EIF3H: variants seen among roughly 807,000 people sequenced by gnomAD.
EIF3H encodes the protein eIF-3-gamma.
In EIF3H, 26 loss-of-function variants were observed where a neutral mutation model predicts 44.2. The ratio of observed to expected loss-of-function variants is 0.59; its 90% CI spans 0.43 to 0.82. The LOEUF is 0.82. EIF3H is among the 40% of genes least tolerant of loss of function. The pLI is 0.00. For synonymous variants in EIF3H, 166 were observed against 151.9 expected (o/e 1.09, Z -0.68); for missense variants, 359 against 432.8 (o/e 0.83, Z 1.51).
In EIF3H at chr8:116,646,455, C is replaced by T. The variant is rs550334926; in HGVS notation, c.961+16G>A. 6.2e-7 allele frequency: 1 copy of T among 1,614,068 alleles called. No homozygotes were observed. The highest frequency in any genetic ancestry group is 1.3e-5 in the African/African-American group (1 of 75,020). On this transcript the variant is annotated intron_variant, in intron 7 of 7. Transcript: ENST00000521861. ...AACGAACAAAACCAGCCAGGTTTTG[C>T]ACTGGGCAACAATACCTGCAATGAG... is the stretch of plus-strand genomic sequence containing the variant.
chr8:116,674,295 CA>C (rs368394590), intron 2 of EIF3H, among the ~76,000 whole-genome samples: 5 of 96,564 alleles, frequency 5.2e-5, no homozygotes, highest in Non-Finnish European at 9.6e-5. Flanking sequence ...AGTTCAGGTG[CA>C]AAAAAAGAGG....
rs559499885 is a variant in EIF3H, at chr8:116,755,429, C to G, written c.132+237G>C. On this transcript the variant is annotated intron_variant, in intron 1 of 7. Coordinates refer to ENST00000521861, the MANE Select transcript of EIF3H (RefSeq NM_003756.3). ...TCAAAACAAGACCCCAGGAACCTGT[C>G]ACTCACACCCCTATTCTCAGTCCCC... 2.2e-4 allele frequency among the ~76,000 whole-genome samples: 34 copies of G among 152,282 alleles called. 1 individual carries two copies. The highest frequency in any genetic ancestry group is 4.4e-5 in the Non-Finnish European group (3 of 68,014).
chr8:116,715,505 T>A (rs1814647387), intron 2 of EIF3H, among the ~76,000 whole-genome samples: 1 of 152,098 alleles, frequency 6.6e-6, no homozygotes, highest in Non-Finnish European at 1.5e-5. Flanking sequence ...TCATGCTTCG[T>A]TTTGAAATCA....
At chr8:116,683,428 G>A (rs1191933544) in intron 2 of EIF3H, among the ~76,000 whole-genome samples, 3 of 152,102 alleles carry the variant, frequency 2.0e-5, no homozygotes, top group African/African-American at 7.2e-5. Context: ...ACGCTCTCTT[G>A]TGCCTCTTCT....
intron 2 of EIF3H, among the ~76,000 whole-genome samples, chr8:116,663,659 C>T (rs1453371199): frequency 6.6e-6 from 1 of 152,006 alleles, no homozygotes; most frequent in African/African-American, 2.4e-5. Context: ...AGCTGCACGC[C>T]GTGGCTCTCG....
intron 2 of EIF3H, among the ~76,000 whole-genome samples, chr8:116,721,904 G>A (rs74917048): frequency 0.012 from 1,791 of 152,304 alleles, 37 homozygotes; most frequent in African/African-American, 0.04. Flanking sequence ...ACAGGTAGAA[G>A]GAACTTGCCT....
chr8:116,646,828 ATAAC>A (rs1329041500), intron 6 of EIF3H, among the ~76,000 whole-genome samples: 4 of 152,184 alleles, frequency 2.6e-5, no homozygotes, highest in Non-Finnish European at 1.5e-5. Flanking sequence ...CTAAGAGTCT[ATAAC>A]TAATGATTCA....
intron 2 of EIF3H, among the ~76,000 whole-genome samples, chr8:116,711,312 A>G (rs1473333502): frequency 6.6e-6 from 1 of 152,254 alleles, no homozygotes; most frequent in African/African-American, 2.4e-5. Flanking sequence ...CAGAGAAAAT[A>G]GCTCATACCC....
At chr8:116,669,453 A>C (rs1356144503) in intron 2 of EIF3H, among the ~76,000 whole-genome samples, 1 of 152,224 alleles carries the variant, frequency 6.6e-6, no homozygotes, top group Non-Finnish European at 1.5e-5. Context: ...GATGGGAAAG[A>C]GGAGTGAGCA....
At chr8:116,659,592 G>A (rs1813551242) in intron 2 of EIF3H, among the ~76,000 whole-genome samples, 1 of 152,084 alleles carries the variant, frequency 6.6e-6, no homozygotes. Flanking sequence ...TTGTCTGTGT[G>A]TTCCTTTAAG....
At chr8:116,658,208 G>A (rs1813524596) in intron 3 of EIF3H, 1 of 152,154 alleles carries the variant, frequency 6.6e-6, no homozygotes, top group Admixed American at 6.5e-5. Flanking sequence ...CAGATACTCA[G>A]GACGTTACAT....
chr8:116,727,119 G>A (rs902616068), intron 1 of EIF3H, among the ~76,000 whole-genome samples: 2 of 152,144 alleles, frequency 1.3e-5, no homozygotes, highest in Non-Finnish European at 2.9e-5. Flanking sequence ...TGTTAGAAAC[G>A]AAGTAATGGG....
At chr8:116,734,913 T>C (rs908460247) in intron 1 of EIF3H, among the ~76,000 whole-genome samples, 1 of 152,204 alleles carries the variant, frequency 6.6e-6, no homozygotes, top group African/African-American at 2.4e-5. Context: ...ACCAATTTCA[T>C]TTATTTTTTG....
At chr8:116,756,629 AATAATT>A (rs1815454537), upstream of EIF3H, among the ~76,000 whole-genome samples, 1 of 152,208 alleles carries the variant, frequency 6.6e-6, no homozygotes, top group Non-Finnish European at 1.5e-5. Context: ...GAACTGATGA[AATAATT>A]AAATCAATAA....
intron 1 of EIF3H, among the ~76,000 whole-genome samples, chr8:116,740,554 GATTT>G (rs1815111955): frequency 2.0e-5 from 3 of 152,130 alleles, no homozygotes; most frequent in Admixed American, 6.5e-5. Flanking sequence ...GTAAGACAGT[GATTT>G]ATTTATTCAG....
intron 5 of EIF3H, among the ~76,000 whole-genome samples, chr8:116,650,995 G>T (rs1394827985): frequency 6.6e-6 from 1 of 152,182 alleles, no homozygotes; most frequent in Non-Finnish European, 1.5e-5. Context: ...ACTAGAGGCT[G>T]CCAGGGGTTA....
chr8:116,744,295 G>T (rs1406744072), intron 1 of EIF3H, among the ~76,000 whole-genome samples: 3 of 151,086 alleles, frequency 2.0e-5, no homozygotes, highest in African/African-American at 7.3e-5. Flanking sequence ...GTACTATTTT[G>T]GAGGCAAAGA....
intron 1 of EIF3H, among the ~76,000 whole-genome samples, chr8:116,738,110 G>A (rs892869240): frequency 1.3e-5 from 2 of 150,062 alleles, no homozygotes; most frequent in Non-Finnish European, 3.0e-5. Context: ...AGTTATACTA[G>A]AATGGAGCAT....
chr8:116,707,933 C>A (rs1349413833), intron 2 of EIF3H, among the ~76,000 whole-genome samples: 1 of 152,068 alleles, frequency 6.6e-6, no homozygotes, highest in Non-Finnish European at 1.5e-5. Context: ...AATTCTATGC[C>A]TTTGTCTGTT....
Sources: allele counts gnomAD v4.1 joint callset (sites outside exome capture counted in the v4.1 genomes callset), GRCh38; gene constraint gnomAD v4.1.1; transcripts MANE v1.5; gene names NCBI Gene and HGNC (gene_info 2026-07-23, HGNC 2026-07-21).